The following BNC2 variants were observed in gnomAD, a reference collection of about 807,000 sequenced individuals.
BNC2 encodes the protein basonuclin zinc finger protein 2.
BNC2 carries 20 observed loss-of-function variants against 76.3 expected under a neutral mutation model. The observed-to-expected ratio is 0.26, with a 90% CI of 0.18 to 0.38. The LOEUF (loss-of-function observed/expected upper bound fraction) is 0.38. BNC2 is among the 10% of genes least tolerant of loss of function. BNC2 has a pLI of 1.00. For synonymous variants in BNC2, 582 were observed against 514.8 expected, an observed-to-expected ratio of 1.13 and a Z score of -1.77; for missense variants, 1,382 against 1,399.8, an observed-to-expected ratio of 0.99 and a Z score of 0.20.
intron 3 of BNC2, among the ~76,000 whole-genome samples, chr9:16,663,342 C>A (rs1472665003): frequency 6.6e-6 from 1 of 151,974 alleles, no homozygotes; most frequent in East Asian, 1.9e-4. Flanking sequence ...CATCTTGGGG[C>A]TCGTCTCAAA....
chr9:16,523,434 G>C (rs1207520408), intron 5 of BNC2, among the ~76,000 whole-genome samples: 1 of 148,752 alleles, frequency 6.7e-6, no homozygotes, highest in South Asian at 2.1e-4. Context: ...TAGCGCCACT[G>C]CACTCCAGCC....
chr9:16,726,224 G>A (rs1193440935), intron 3 of BNC2, among the ~76,000 whole-genome samples: 1 of 152,184 alleles, frequency 6.6e-6, no homozygotes, highest in East Asian at 1.9e-4. Flanking sequence ...TCACTTGAAA[G>A]AATGGGAAAT....
At chr9:16,461,455 T>A (rs543118947) in intron 5 of BNC2, among the ~76,000 whole-genome samples, 4 of 152,202 alleles carry the variant, frequency 2.6e-5, no homozygotes, top group Non-Finnish European at 5.9e-5. Flanking sequence ...AATGAAGCAA[T>A]TGCATAGGTT....
chr9:16,779,130 A>AAAAGAAAAG (rs1554729004), intron 1 of BNC2, among the ~76,000 whole-genome samples: 6 of 87,634 alleles, frequency 6.8e-5, no homozygotes, highest in South Asian at 4.4e-4. Flanking sequence ...AAAAAAAAAA[A>AAAAGAAAAG]AAAAGAAAAG....
At chr9:16,445,272 C>T (rs7042654) in intron 5 of BNC2, among the ~76,000 whole-genome samples, 17,985 of 152,054 alleles carry the variant, frequency 0.12, 3,038 homozygotes, top group African/African-American at 0.38. Context: ...GAAGATGCAC[C>T]GCTAGCATAC....
At chr9:16,839,595 C>T (rs1314898858) in intron 1 of BNC2, among the ~76,000 whole-genome samples, 1 of 152,272 alleles carries the variant, frequency 6.6e-6, no homozygotes, top group Admixed American at 6.5e-5. Context: ...AAGCACGCTG[C>T]GCACTCTCTA....
chr9:16,545,873 AGCAATAGC>A (rs1818467387), intron 5 of BNC2, among the ~76,000 whole-genome samples: 1 of 152,208 alleles, frequency 6.6e-6, no homozygotes, highest in Non-Finnish European at 1.5e-5. Flanking sequence ...GCCATAAAAC[AGCAATAGC>A]CCTAAATTAC....
chr9:16,441,090 C>T (rs1438314615), intron 5 of BNC2, among the ~76,000 whole-genome samples: 1 of 152,062 alleles, frequency 6.6e-6, no homozygotes, highest in East Asian at 1.9e-4. Context: ...TTTAGGAAGG[C>T]CAAGGTGGAA....
At chr9:16,647,333 A>C (rs1821660348) in intron 3 of BNC2, among the ~76,000 whole-genome samples, 1 of 152,040 alleles carries the variant, frequency 6.6e-6, no homozygotes, top group Non-Finnish European at 1.5e-5. Flanking sequence ...GAATTGGCGG[A>C]ATGTGTGTGG....
intron 6 of BNC2, among the ~76,000 whole-genome samples, chr9:16,423,429 C>T (rs1820746282): frequency 6.6e-6 from 1 of 152,134 alleles, no homozygotes; most frequent in Non-Finnish European, 1.5e-5. Flanking sequence ...AGGACTTGGT[C>T]TTAAGAAGTG....
chr9:16,713,771 T>C (rs72706027), intron 3 of BNC2, among the ~76,000 whole-genome samples: 6 of 152,256 alleles, frequency 3.9e-5, no homozygotes, highest in Non-Finnish European at 7.4e-5. Flanking sequence ...GCAGCTAAAA[T>C]TAAAATACTT....
intron 3 of BNC2, among the ~76,000 whole-genome samples, chr9:16,615,774 T>TA (rs1820680021): frequency 6.6e-6 from 1 of 152,230 alleles, no homozygotes; most frequent in Non-Finnish European, 1.5e-5. Flanking sequence ...GCCAAGAACT[T>TA]AGACGAGTGG....
rs558939753 is a variant in BNC2 at position 16,492,324 on chromosome 9, A to T, written c.670-54800T>A. Among the ~76,000 whole-genome samples, 24 of 152,366 alleles carry T rather than the reference A, an allele frequency of 1.6e-4. No individual in the cohort carries two copies. The South Asian group carries it at 5.0e-3, about 32-fold the overall frequency. On this transcript the variant is annotated intron_variant, in intron 5 of 6. Transcript: ENST00000380672. ...GATACATCACAGTTGTGGTATATGTAAGAAGTCAGAACTTTAATGAGCACA... is the reference window on the plus strand; with the variant it reads ...GATACATCACAGTTGTGGTATATGTTAGAAGTCAGAACTTTAATGAGCACA...
At chr9:16,718,508 G>C (rs1021680322) in intron 3 of BNC2, among the ~76,000 whole-genome samples, 1 of 152,194 alleles carries the variant, frequency 6.6e-6, no homozygotes, top group African/African-American at 2.4e-5. Flanking sequence ...GGGAAATAAT[G>C]AGACATCTGA....
intron 1 of BNC2, among the ~76,000 whole-genome samples, chr9:16,836,412 T>C (rs1818707790): frequency 6.6e-6 from 1 of 151,716 alleles, no homozygotes; most frequent in South Asian, 2.1e-4. Flanking sequence ...TAAAGGGGTA[T>C]ATGAAAATTA....
intron 5 of BNC2, among the ~76,000 whole-genome samples, chr9:16,477,316 T>G (rs1015234861): frequency 1.3e-5 from 2 of 152,122 alleles, no homozygotes; most frequent in African/African-American, 4.8e-5. Context: ...TGATTACCTT[T>G]AGGGTCTAGT....
chr9:16,690,659 G>C (rs939658697), intron 3 of BNC2, among the ~76,000 whole-genome samples: 1 of 152,154 alleles, frequency 6.6e-6, no homozygotes, highest in African/African-American at 2.4e-5. Context: ...ATAAGGATGG[G>C]AGATATTTTA....
intron 5 of BNC2, among the ~76,000 whole-genome samples, chr9:16,532,393 T>C (rs1818009091): frequency 6.6e-6 from 1 of 152,166 alleles, no homozygotes; most frequent in Admixed American, 6.5e-5. Flanking sequence ...TGGTGTTTAG[T>C]AATGTGAGCT....
intron 3 of BNC2, among the ~76,000 whole-genome samples, chr9:16,697,445 G>C (rs1277383434): frequency 2.0e-5 from 3 of 148,380 alleles, no homozygotes. Context: ...GATGTGGCAG[G>C]GCACGGTGGC....
Sources: allele counts gnomAD v4.1 joint callset (sites outside exome capture counted in the v4.1 genomes callset), GRCh38; gene constraint gnomAD v4.1.1; transcripts MANE v1.5; gene names NCBI Gene and HGNC (gene_info 2026-07-23, HGNC 2026-07-21).